The following MYH9 variants were observed in gnomAD, a reference collection of about 807,000 sequenced individuals.
MYH9 encodes the protein myosin-9.
A neutral mutation model predicts 241.9 loss-of-function variants in MYH9; 29 were observed. That is an observed-to-expected ratio of 0.12 (90% CI 0.09 to 0.16). The LOEUF (loss-of-function observed/expected upper bound fraction) is 0.16, where lower values mean the gene tolerates loss of function less well. Among genes scored for constraint, MYH9 ranks in the 10% least tolerant of loss-of-function variants. The pLI is 1.00. For synonymous variants in MYH9, 1,047 were observed against 1,062.6 expected (o/e 0.99, Z 0.29); for missense variants, 1,803 against 2,595.5 (o/e 0.69, Z 6.63).
intron 1 of MYH9, among the ~76,000 whole-genome samples, chr22:36,376,141 AGTAGAGAC>A (rs2018163953): frequency 6.6e-6 from 1 of 151,716 alleles, no homozygotes; most frequent in African/African-American, 2.4e-5. Context: ...TTGTATTTTT[AGTAGAGAC>A]GTGGTTTCAC....
intron 1 of MYH9, among the ~76,000 whole-genome samples, chr22:36,377,071 A>AC (rs1446246819): frequency 1.3e-5 from 2 of 151,788 alleles, no homozygotes; most frequent in Non-Finnish European, 1.5e-5. Context: ...TCAAAAAAAA[A>AC]AAAAGTGAAG....
In MYH9 at chr22:36,306,072, A is replaced by G; in HGVS notation, c.2038-21T>C. 6.2e-7 allele frequency: 1 copy of G among 1,612,352 alleles called. No individual in the cohort carries two copies. Among genetic ancestry groups the G allele is most frequent in the Non-Finnish European group, 8.5e-7 (1 of 1,179,954 alleles). On this transcript the variant is annotated intron_variant, in intron 16 of 40. Transcript: ENST00000216181. This position sits in a 1 kb window ranked among gnomAD's most constrained non-coding sequence, Gnocchi z 4.1. The stretch of plus-strand genomic sequence containing the variant: ...CCGGCCTGGAGAAGAAAACACATGC[A>G]TGCGGTCTCACTTCCGTGCCTAGAA...
intron 6 of MYH9, 104 bp downstream of exon 6, chr22:36,322,325 C>A (rs556453200): frequency 2.4e-6 from 3 of 1,267,604 alleles, no homozygotes; most frequent in East Asian, 2.3e-5. Flanking sequence ...GAGTCTGAAC[C>A]GTCCTCGGTT....
chr22:36,286,680 A>G (rs770327036), intron 35 of MYH9, 38 bp downstream of exon 35: 2 of 1,608,430 alleles, frequency 1.2e-6, no homozygotes, highest in Middle Eastern at 1.7e-4. Context: ...TGCTGGCCGC[A>G]GGGCAGCGGT....
At chr22:36,341,827 A>G (rs1171929998) in intron 2 of MYH9, among the ~76,000 whole-genome samples, 1 of 152,240 alleles carries the variant, frequency 6.6e-6, no homozygotes, top group Non-Finnish European at 1.5e-5. Flanking sequence ...CCAAGCAGAC[A>G]ACAGCAAAGT....
chr22:36,367,094 C>T (rs957904915), intron 1 of MYH9, among the ~76,000 whole-genome samples: 1 of 152,146 alleles, frequency 6.6e-6, no homozygotes, highest in Non-Finnish European at 1.5e-5. Flanking sequence ...TTAGGAGTCC[C>T]CTGGTCACAA....
At chr22:36,319,094 G>T (rs773059217) in intron 10 of MYH9, among the ~76,000 whole-genome samples, 1 of 152,090 alleles carries the variant, frequency 6.6e-6, no homozygotes, top group African/African-American at 2.4e-5. Flanking sequence ...ACACCCATGC[G>T]TTACATCTTT....
chr22:36,293,966 C>T lies in MYH9; in HGVS notation c.3838-103G>A. On this transcript the variant is annotated intron_variant, in intron 28 of 40. Transcript: ENST00000216181. This position sits in a 1 kb window ranked among gnomAD's most constrained non-coding sequence, Gnocchi z 5.1. ...AGCTGGACCTGAGTCACAAGCTGAA[C>T]CATGAGGGTCTGAGGAGCCAGTTTG... is the stretch of plus-strand genomic sequence containing the variant. The T allele has an allele frequency of 6.8e-7, 1 of 1,462,688 alleles. No homozygotes were observed. The highest frequency in any genetic ancestry group is 9.4e-7 in the Non-Finnish European group (1 of 1,062,926). The allele number at this position is 1,462,688 out of a possible 1,614,324, so 90.6% of individuals were successfully genotyped here.
chr22:36,293,547 A>G lies in MYH9; in HGVS notation c.3943-66T>C. 1 of 1,592,178 alleles carries G rather than the reference A, an allele frequency of 6.3e-7. No homozygotes were observed. Among genetic ancestry groups the G allele is most frequent in the East Asian group, 2.2e-5 (1 of 44,772 alleles). On this transcript the variant is annotated intron_variant, in intron 29 of 40. Transcript: ENST00000216181. The surrounding 1 kb of genome is among the most constrained non-coding windows in gnomAD (Gnocchi z 5.1). ...GGTGTCCAAAACCCAGGAACCCCAC[A>G]CCCTTGAGGAGAGGGAGGAGCTGGT...
chr22:36,351,637 A>G (rs2146395439), intron 1 of MYH9, among the ~76,000 whole-genome samples: 1 of 152,210 alleles, frequency 6.6e-6, no homozygotes, highest in African/African-American at 2.4e-5. Context: ...CTAGGGTCCC[A>G]GCACCCAGGC....
rs935471465 is a variant in MYH9, at chr22:36,320,501, T to C, written c.869-138A>G. The C allele has an allele frequency of 8.8e-6, 10 of 1,136,090 alleles. No individual in the cohort carries two copies. In the African/African-American group the frequency reaches 1.5e-4, roughly 17 times the overall value. The allele number at this position is 1,136,090 out of a possible 1,614,324, so 70.4% of individuals were successfully genotyped here. A position where few individuals can be genotyped will look rare whatever the true frequency, so the allele number is the denominator to read the frequency against. On this transcript the variant is annotated intron_variant, in intron 8 of 40. Transcript: ENST00000216181. The surrounding 1 kb of genome is among the most constrained non-coding windows in gnomAD (Gnocchi z 4.8). ...ACCCTGGAAACCGCAGAGTAGCCAGTGACGTTCAGCTTTCCTCAGTGTCTG... is the reference window on the plus strand; with the variant it reads ...ACCCTGGAAACCGCAGAGTAGCCAGCGACGTTCAGCTTTCCTCAGTGTCTG...
At position 36,295,160 on chromosome 22, in the gene MYH9, G is replaced by T; in HGVS notation, c.3486-84C>A. On this transcript the variant is annotated intron_variant, in intron 26 of 40. Coordinates refer to ENST00000216181, the MANE Select transcript of MYH9 (RefSeq NM_002473.6). This position sits in a 1 kb window ranked among gnomAD's most constrained non-coding sequence, Gnocchi z 4.1. ...GGGGCTCTTCCCTGACCAAAGAGAG[G>T]CCTGGCCAGGGCACAGGCACTCCAG... 6.3e-7 allele frequency: 1 copy of T among 1,589,764 alleles called. No individual in the cohort carries two copies. Among genetic ancestry groups the T allele is most frequent in the Non-Finnish European group, 8.6e-7 (1 of 1,161,366 alleles).
chr22:36,285,851 CT>C lies in MYH9; in HGVS notation c.5150+13del, dbSNP rs2146328721. 2 of 1,613,824 alleles carry C rather than the reference CT, an allele frequency of 1.2e-6. No homozygotes were observed. Among genetic ancestry groups the C allele is most frequent in the Admixed American group, 1.7e-5 (1 of 60,026 alleles). On this transcript the variant is annotated intron_variant, in intron 36 of 40. Coordinates refer to ENST00000216181, the MANE Select transcript of MYH9 (RefSeq NM_002473.6). This position sits in a 1 kb window ranked among gnomAD's most constrained non-coding sequence, Gnocchi z 7.0. ...ACCTGGTCCCCCCCAACTCTGCCCC[CT>C]CACTCAGCTCACCCTTTGCCGCTGC...
chr22:36,339,906 G>C (rs1375281833), intron 3 of MYH9, among the ~76,000 whole-genome samples: 1 of 152,154 alleles, frequency 6.6e-6, no homozygotes, highest in Non-Finnish European at 1.5e-5. Flanking sequence ...AAACACTGCA[G>C]TCAAATAAAG....
Position 36,300,928 on chromosome 22 carries a change from C to T in MYH9, c.2761G>A (p.Glu921Lys), listed in dbSNP as rs775434135. 5.6e-6 allele frequency: 9 copies of T among 1,609,566 alleles called. No homozygotes were observed. ...TCCTCCTCCTCCTCCACCCTGGCCT[C>T]TAGGTCATGGCAGATCTCTTCTAAT... ...QELEEICHDL[E>K]ARVEEEEERC... Residue 921 changes from glutamate to lysine, a missense_variant, in exon 22 of 41, where the codon GAG becomes AAG. Transcript: ENST00000216181. The surrounding 1 kb of genome is among the most constrained non-coding windows in gnomAD (Gnocchi z 5.0).
At position 36,301,387 on chromosome 22, in the gene MYH9, T is replaced by C. The variant is rs56031175; in HGVS notation, c.2631+147A>G. On this transcript the variant is annotated intron_variant, in intron 21 of 40. Transcript: ENST00000216181. ...CACCCAATGGGGTCTGCAGAGAGAC[T>C]GGTCACTGTTTACAGTAATAGGAAA... The C allele has an allele frequency of 6.6e-3, 7,085 of 1,067,248 alleles. 39 individuals carry two copies. Among genetic ancestry groups the C allele is most frequent in the Non-Finnish European group, 8.0e-3 (5,750 of 721,416 alleles). 66.1% of individuals were successfully genotyped at this position (1,067,248 alleles called of 1,614,324 possible).
intron 23 of MYH9, 105 bp from the exon 24 acceptor site, chr22:36,299,147 CT>C: frequency 7.0e-7 from 1 of 1,423,044 alleles, no homozygotes; most frequent in Non-Finnish European, 9.8e-7. Flanking sequence ...ATGGAGAGGG[CT>C]TTAGACGCTT....
At position 36,293,742 on chromosome 22, in the gene MYH9, C is replaced by G. The variant is rs747391322; in HGVS notation, c.3942+17G>C. 1.2e-6 allele frequency: 2 copies of G among 1,611,246 alleles called. No individual in the cohort carries two copies. The highest frequency in any genetic ancestry group is 3.3e-5 in the Admixed American group (2 of 59,940). ...TCTGGAGGGGTCCACCTTCTGGGAA[C>G]CTGGCGCCACCCCTACCTGAGTGTC... On this transcript the variant is annotated intron_variant, in intron 29 of 40. Transcript: ENST00000216181. The surrounding 1 kb of genome is among the most constrained non-coding windows in gnomAD (Gnocchi z 5.1).
At chr22:36,387,492 G>A (rs2018372850) in intron 1 of MYH9, among the ~76,000 whole-genome samples, 1 of 151,966 alleles carries the variant, frequency 6.6e-6, no homozygotes, top group African/African-American at 2.4e-5. Context: ...GCTGGGGGAG[G>A]TCGGCTCCAG....
Sources: gnomAD v4.1 joint callset for allele counts (sites outside exome capture counted in the v4.1 genomes callset) on GRCh38, gnomAD v4.1.1 for gene constraint, Gnocchi (gnomAD v3.1) non-coding constraint, MANE v1.5 for transcripts, NCBI Gene and HGNC (gene_info 2026-07-23, HGNC 2026-07-21) for gene names.